The following SPAG16 variants were observed in gnomAD, a reference collection of about 807,000 sequenced individuals.
The protein encoded by SPAG16 is sperm associated antigen 16, also known as sperm-associated antigen 16 protein.
In SPAG16, 86 loss-of-function variants were observed where a neutral mutation model predicts 80.4. The ratio of observed to expected loss-of-function variants is 1.07; its 90% CI spans 0.90 to 1.28. SPAG16 has a LOEUF of 1.28. Among genes scored for constraint, SPAG16 ranks in the 50% most tolerant of loss-of-function variants. The pLI is 0.00. For missense variants in SPAG16, 870 were observed against 765.3 expected, an observed-to-expected ratio of 1.14 and a Z score of -1.61; for synonymous variants, 294 against 265.9, an observed-to-expected ratio of 1.11 and a Z score of -1.03.
chr2:213,557,547 G>A (rs2059464756), intron 10 of SPAG16, among the ~76,000 whole-genome samples: 1 of 151,912 alleles, frequency 6.6e-6, no homozygotes, highest in Admixed American at 6.6e-5. Context: ...AAAAAAATTA[G>A]AATGAAAAGT....
intron 9 of SPAG16, chr2:213,375,332 C>G (rs377150610): frequency 2.7e-6 from 1 of 376,248 alleles, no homozygotes; most frequent in Middle Eastern, 6.9e-4. Context: ...AGAGACAGCT[C>G]AGTGGATCAC....
intron 9 of SPAG16, among the ~76,000 whole-genome samples, chr2:213,394,135 G>A (rs1309587877): frequency 6.6e-6 from 1 of 151,930 alleles, no homozygotes; most frequent in Admixed American, 6.6e-5. Flanking sequence ...ATTTGATTAA[G>A]AAACCCTTTT....
chr2:213,573,150 T>C (rs1408110806), intron 10 of SPAG16, among the ~76,000 whole-genome samples: 1 of 152,088 alleles, frequency 6.6e-6, no homozygotes, highest in Admixed American at 6.5e-5. Flanking sequence ...CACTCCCTAG[T>C]GAGATGAACC....
chr2:213,984,377 A>G (rs1038123384), intron 12 of SPAG16, among the ~76,000 whole-genome samples: 4 of 152,138 alleles, frequency 2.6e-5, no homozygotes, highest in Admixed American at 6.6e-5. Context: ...TATACAATAT[A>G]CAAAATGCTA....
chr2:213,511,993 G>T (rs1313293506), intron 10 of SPAG16, among the ~76,000 whole-genome samples: 1 of 151,332 alleles, frequency 6.6e-6, no homozygotes, highest in African/African-American at 2.4e-5. Context: ...TTCTCCTCTG[G>T]AGAAAAATAA....
chr2:213,406,893 A>C (rs938601937), intron 9 of SPAG16, among the ~76,000 whole-genome samples: 1 of 147,664 alleles, frequency 6.8e-6, no homozygotes, highest in Non-Finnish European at 1.5e-5. Context: ...ATCAAGACCC[A>C]CCCCAGTGCA....
intron 15 of SPAG16, among the ~76,000 whole-genome samples, chr2:214,223,610 A>T (rs2058634388): frequency 6.6e-6 from 1 of 152,138 alleles, no homozygotes. Context: ...AATGGTATTT[A>T]AAAGTAACCT....
intron 12 of SPAG16, among the ~76,000 whole-genome samples, chr2:214,012,126 A>C (rs1575817358): frequency 6.6e-6 from 1 of 151,302 alleles, no homozygotes; most frequent in East Asian, 1.9e-4. Context: ...CTCCCATTGC[A>C]GAGTTTTGCC....
intron 8 of SPAG16, among the ~76,000 whole-genome samples, chr2:213,366,962 G>A (rs994115346): frequency 2.1e-4 from 32 of 151,652 alleles, no homozygotes; most frequent in African/African-American, 2.2e-4. Flanking sequence ...GACAGGCCCC[G>A]GTGTGTGATG....
At chr2:213,300,355 A>C (rs1487427515) in intron 3 of SPAG16, among the ~76,000 whole-genome samples, 1 of 152,192 alleles carries the variant, frequency 6.6e-6, no homozygotes, top group Non-Finnish European at 1.5e-5. Flanking sequence ...GGAGAAGACT[A>C]ATTGATGACT....
intron 11 of SPAG16, among the ~76,000 whole-genome samples, chr2:213,880,128 C>A (rs752176298): frequency 9.9e-5 from 15 of 152,152 alleles, no homozygotes; most frequent in Non-Finnish European, 1.0e-4. Flanking sequence ...TCTCCACAAC[C>A]TAGCAATAGC....
chr2:213,764,527 A>T (rs1419584545), intron 10 of SPAG16, among the ~76,000 whole-genome samples: 1 of 152,156 alleles, frequency 6.6e-6, no homozygotes, highest in Admixed American at 6.5e-5. Context: ...TATTTTTTTT[A>T]AACTCTCTGA....
At chr2:213,330,640 T>C (rs1018773119) in intron 5 of SPAG16, among the ~76,000 whole-genome samples, 1 of 152,174 alleles carries the variant, frequency 6.6e-6, no homozygotes, top group Non-Finnish European at 1.5e-5. Flanking sequence ...CTGTGGACTT[T>C]TGAGTTAATG....
At chr2:213,863,151 A>C (rs753157982) in intron 11 of SPAG16, among the ~76,000 whole-genome samples, 5 of 149,354 alleles carry the variant, frequency 3.3e-5, no homozygotes, top group Non-Finnish European at 7.4e-5. Context: ...TACCTAAAAG[A>C]CCAAGGGCAC....
At chr2:213,986,126 CTT>C (rs912845730) in intron 12 of SPAG16, among the ~76,000 whole-genome samples, 21 of 152,010 alleles carry the variant, frequency 1.4e-4, no homozygotes, top group Non-Finnish European at 2.8e-4. Flanking sequence ...GACAAAGAGA[CTT>C]TGACTTTTCT....
intron 10 of SPAG16, among the ~76,000 whole-genome samples, chr2:213,679,501 A>G (rs1204853766): frequency 6.6e-6 from 1 of 151,922 alleles, no homozygotes; most frequent in Admixed American, 6.6e-5. Context: ...TCCTTTTTTC[A>G]CACTTACCAG....
intron 10 of SPAG16, among the ~76,000 whole-genome samples, chr2:213,849,971 A>T (rs1474712757): frequency 6.6e-6 from 1 of 152,204 alleles, no homozygotes; most frequent in South Asian, 2.1e-4. Context: ...TGATTTAGTA[A>T]CATGAAGCAC....
chr2:214,398,936 C>T (rs748998524), intron 15 of SPAG16, among the ~76,000 whole-genome samples: 2 of 152,132 alleles, frequency 1.3e-5, no homozygotes, highest in Non-Finnish European at 2.9e-5. Context: ...ATAATGTTGC[C>T]TTTGCATTTG....
intron 11 of SPAG16, among the ~76,000 whole-genome samples, chr2:213,924,899 T>C (rs2078396243): frequency 1.3e-5 from 2 of 152,244 alleles, no homozygotes; most frequent in East Asian, 3.9e-4. Context: ...ATTCTAGTGC[T>C]TTTTTCCTCC....
Sources: allele counts gnomAD v4.1 joint callset (sites outside exome capture counted in the v4.1 genomes callset), GRCh38; gene constraint gnomAD v4.1.1; transcripts MANE v1.5; gene names NCBI Gene and HGNC (gene_info 2026-07-23, HGNC 2026-07-21).